Variants in FAM107B observed in about 807,000 individuals in gnomAD.
The protein encoded by FAM107B is protein FAM107B.
A neutral mutation model predicts 31.5 loss-of-function variants in FAM107B; 21 were observed. The ratio of observed to expected loss-of-function variants is 0.67; its 90% CI spans 0.47 to 0.96. The LOEUF is 0.96. FAM107B is among the 40% of genes least tolerant of loss of function. FAM107B has a pLI of 0.00. For synonymous variants in FAM107B, 157 were observed against 141.5 expected, an observed-to-expected ratio of 1.11 and a Z score of -0.78; for missense variants, 452 against 377.1, an observed-to-expected ratio of 1.20 and a Z score of -1.64.
intron 2 of FAM107B, among the ~76,000 whole-genome samples, chr10:14,555,094 T>C (rs1350657955): frequency 1.3e-5 from 2 of 152,184 alleles, no homozygotes; most frequent in Non-Finnish European, 2.9e-5. Context: ...ACATTATAAA[T>C]ATACAACTAA....
At chr10:14,530,604 T>G in intron 2 of FAM107B, 89 bp from the exon 3 acceptor site, 2 of 1,180,992 alleles carry the variant, frequency 1.7e-6, no homozygotes, top group African/African-American at 1.5e-5. Context: ...GTGCTCAGTA[T>G]GCTAACACAT....
chr10:14,720,897 A>T (rs1347320089), intron 1 of FAM107B, among the ~76,000 whole-genome samples: 1 of 152,078 alleles, frequency 6.6e-6, no homozygotes, highest in Non-Finnish European at 1.5e-5. Context: ...CACAATGTGC[A>T]GGTTTGTTAC....
chr10:14,591,594 C>T (rs1442159618), intron 2 of FAM107B, among the ~76,000 whole-genome samples: 1 of 152,174 alleles, frequency 6.6e-6, no homozygotes, highest in Admixed American at 6.5e-5. Flanking sequence ...TTAATTCAAA[C>T]AACAGTCATC....
intron 1 of FAM107B, among the ~76,000 whole-genome samples, chr10:14,750,162 A>C (rs979275811): frequency 6.6e-5 from 10 of 152,334 alleles, no homozygotes; most frequent in African/African-American, 2.4e-4. Flanking sequence ...TGGAAGAAGA[A>C]TTGCTCTCAC....
chr10:14,643,995 G>A (rs1487881447), intron 2 of FAM107B, among the ~76,000 whole-genome samples: 1 of 152,034 alleles, frequency 6.6e-6, no homozygotes, highest in Non-Finnish European at 1.5e-5. Flanking sequence ...TTTTAGAGCT[G>A]CTATTGTATT....
chr10:14,718,522 C>A (rs111283074), intron 1 of FAM107B, among the ~76,000 whole-genome samples: 1 of 142,834 alleles, frequency 7.0e-6, no homozygotes, highest in East Asian at 2.1e-4. Flanking sequence ...GGGAGGGAAA[C>A]GAAGGAAGGA....
intron 2 of FAM107B, among the ~76,000 whole-genome samples, chr10:14,642,612 G>T (rs181779901): frequency 7.1e-6 from 1 of 141,002 alleles, no homozygotes; most frequent in East Asian, 2.1e-4. Flanking sequence ...CATGACCTTG[G>T]TGTTTTTTTT....
At chr10:14,530,549 G>A in intron 2 of FAM107B, 34 bp from the exon 3 acceptor site, 1 of 1,603,758 alleles carries the variant, frequency 6.2e-7, no homozygotes, top group Non-Finnish European at 8.5e-7. Context: ...CTCATTTGCA[G>A]TTTTTGCTAA....
chr10:14,618,161 C>T (rs978870284), intron 2 of FAM107B, among the ~76,000 whole-genome samples: 1 of 152,210 alleles, frequency 6.6e-6, no homozygotes, highest in Non-Finnish European at 1.5e-5. Flanking sequence ...GGGTATTATA[C>T]AGTTCAGTCT....
At chr10:14,735,991 A>G (rs1422136162) in intron 1 of FAM107B, among the ~76,000 whole-genome samples, 1 of 152,200 alleles carries the variant, frequency 6.6e-6, no homozygotes, top group African/African-American at 2.4e-5. Context: ...TATAGGTTAA[A>G]TGCAATAAAA....
intron 1 of FAM107B, among the ~76,000 whole-genome samples, chr10:14,749,606 T>A (rs1267078866): frequency 6.6e-6 from 1 of 152,144 alleles, no homozygotes; most frequent in African/African-American, 2.4e-5. Flanking sequence ...AAAGTTCACA[T>A]CCCAGCCACA....
chr10:14,564,131 G>A (rs548379610), intron 2 of FAM107B, among the ~76,000 whole-genome samples: 24 of 152,092 alleles, frequency 1.6e-4, no homozygotes, highest in African/African-American at 5.5e-4. Context: ...AGTTCTTTAA[G>A]ATTCTCAAAT....
chr10:14,522,909 C>T (rs1845819897), intron 3 of FAM107B, among the ~76,000 whole-genome samples: 1 of 152,168 alleles, frequency 6.6e-6, no homozygotes, highest in African/African-American at 2.4e-5. Flanking sequence ...CAGTCCCGTG[C>T]TCCTCCACCG....
intron 2 of FAM107B, among the ~76,000 whole-genome samples, chr10:14,647,346 C>A (rs961502644): frequency 6.6e-6 from 1 of 152,140 alleles, no homozygotes; most frequent in Non-Finnish European, 1.5e-5. Flanking sequence ...TCGATACTAA[C>A]CAACTGGTAG....
intron 2 of FAM107B, among the ~76,000 whole-genome samples, chr10:14,608,730 C>T (rs1852654877): frequency 1.3e-5 from 2 of 152,200 alleles, no homozygotes; most frequent in African/African-American, 2.4e-5. Flanking sequence ...GAAGTCTGTA[C>T]ATTCTACCAT....
At chr10:14,659,784 G>A (rs1220718354) in intron 2 of FAM107B, among the ~76,000 whole-genome samples, 2 of 152,334 alleles carry the variant, frequency 1.3e-5, no homozygotes, top group East Asian at 3.9e-4. Context: ...GCCCAGCAAG[G>A]AGATCTGAAC....
chr10:14,609,205 C>T (rs1463429305), intron 2 of FAM107B, among the ~76,000 whole-genome samples: 2 of 152,208 alleles, frequency 1.3e-5, no homozygotes, highest in Admixed American at 6.5e-5. Context: ...CCTATTGCTG[C>T]ATAACATCTT....
intron 2 of FAM107B, among the ~76,000 whole-genome samples, chr10:14,576,529 AAAC>A (rs113340570): frequency 1.1e-3 from 157 of 147,302 alleles, no homozygotes; most frequent in Middle Eastern, 3.4e-3. Flanking sequence ...TACATCTCAA[AAAC>A]AACAACAACA....
chr10:14,617,699 T>A (rs1852888683), intron 2 of FAM107B, among the ~76,000 whole-genome samples: 1 of 145,052 alleles, frequency 6.9e-6, no homozygotes, highest in Non-Finnish European at 1.5e-5. Context: ...TCTAGGAAGG[T>A]GCTGTCCGGT....
Sources: gnomAD v4.1 joint callset for allele counts (sites outside exome capture counted in the v4.1 genomes callset) on GRCh38, gnomAD v4.1.1 for gene constraint, MANE v1.5 for transcripts, NCBI Gene and HGNC (gene_info 2026-07-23, HGNC 2026-07-21) for gene names.